REPS2: variants seen among roughly 807,000 people sequenced by gnomAD.
The protein encoded by REPS2 is ralBP1-associated Eps domain-containing protein 2.
Under a neutral mutation model 53.6 loss-of-function variants are expected in REPS2, and 23 were observed. The ratio of observed to expected loss-of-function variants is 0.43; its 90% CI spans 0.31 to 0.61. REPS2 has a LOEUF of 0.61. Ranked by LOEUF, REPS2 falls within the 20% of genes least tolerant of loss-of-function variation. The probability of loss-of-function intolerance (pLI) is 0.11; values close to 1 mark genes in which losing one functional copy is unlikely to be tolerated. For synonymous variants in REPS2, 238 were observed against 218.6 expected, an observed-to-expected ratio of 1.09 and a Z score of -0.78; for missense variants, 446 against 534.9, an observed-to-expected ratio of 0.83 and a Z score of 1.64.
chrX:16,967,885 G>A (rs1416367198), intron 1 of REPS2, among the ~76,000 whole-genome samples: 3 of 104,659 alleles, frequency 2.9e-5, no homozygotes, highest in African/African-American at 7.1e-5. Context: ...GGTGTTTCTC[G>A]CAGAGGGGGA....
intron 2 of REPS2, among the ~76,000 whole-genome samples, chrX:17,011,909 TC>T (rs1457773747): frequency 1.0e-5 from 1 of 96,895 alleles, no homozygotes; most frequent in African/African-American, 3.9e-5. Context: ...TTGCAGTGAG[TC>T]GAGATTGTGC....
intron 1 of REPS2, among the ~76,000 whole-genome samples, chrX:17,002,843 G>A (rs927637292): frequency 9.9e-5 from 11 of 111,588 alleles, no homozygotes; most frequent in Non-Finnish European, 7.5e-5. Flanking sequence ...GATCCTAACC[G>A]GTACCCTCTT....
At chrX:17,024,210 C>T (rs1213526625) in intron 3 of REPS2, among the ~76,000 whole-genome samples, 1 of 109,670 alleles carries the variant, frequency 9.1e-6, no homozygotes, top group Non-Finnish European at 1.9e-5. Flanking sequence ...TTGCTTGAGC[C>T]CAGGAAGTCA....
chrX:16,989,435 A>T (rs1395457295), intron 1 of REPS2, among the ~76,000 whole-genome samples: 1 of 111,872 alleles, frequency 8.9e-6, no homozygotes, highest in East Asian at 2.8e-4. Context: ...AGAATTGATA[A>T]ATTGGATTTC....
chrX:16,976,533 A>T (rs2060957212), intron 1 of REPS2, among the ~76,000 whole-genome samples: 2 of 111,486 alleles, frequency 1.8e-5, no homozygotes, highest in Non-Finnish European at 3.8e-5. Context: ...ATTGGAATAA[A>T]TTCTAGCAAT....
At position 17,083,055 on chromosome X, in the gene REPS2, A is replaced by G. The variant is rs1042543409; in HGVS notation, c.1516+5648A>G. 4.6e-5 allele frequency among the ~76,000 whole-genome samples: 5 copies of G among 108,389 alleles called. 1 individual carries two copies. The highest frequency in any genetic ancestry group is 3.0e-4 in the Admixed American group (3 of 10,142). 94.1% of individuals were successfully genotyped at this position (108,389 alleles called of 115,157 possible). Reference sequence around the variant, plus strand: ...CTACCACCTCCTGGAATGCAGCTGAAATGACAGAAATGTTCCGAGCACTTT... The same window carrying G: ...CTACCACCTCCTGGAATGCAGCTGAGATGACAGAAATGTTCCGAGCACTTT... On this transcript the variant is annotated intron_variant, in intron 13 of 17. Transcript: ENST00000357277.
intron 14 of REPS2, among the ~76,000 whole-genome samples, chrX:17,121,912 A>C (rs1267790578): frequency 5.4e-5 from 6 of 110,804 alleles, no homozygotes; most frequent in Non-Finnish European, 1.1e-4. Context: ...CACCACACCC[A>C]GATAATTTTT....
intron 16 of REPS2, chrX:17,137,249 G>T (rs1007270689): frequency 8.9e-6 from 1 of 111,873 alleles, no homozygotes; most frequent in East Asian, 2.8e-4. Flanking sequence ...TTATGTTCCC[G>T]TTGGCAACGT....
At chrX:17,101,361 C>T (rs1459161836) in intron 13 of REPS2, among the ~76,000 whole-genome samples, 1 of 111,099 alleles carries the variant, frequency 9.0e-6, no homozygotes, top group Non-Finnish European at 1.9e-5. Flanking sequence ...CGCGCCAGGC[C>T]TCTATGCCAA....
At chrX:17,139,982 C>T (rs1307211502) in intron 17 of REPS2, among the ~76,000 whole-genome samples, 2 of 111,706 alleles carry the variant, frequency 1.8e-5, no homozygotes, top group Non-Finnish European at 3.8e-5. Flanking sequence ...TTTGAGAGGA[C>T]ATGATTCTAC....
intron 7 of REPS2, among the ~76,000 whole-genome samples, chrX:17,053,091 T>C (rs2147932347): frequency 8.9e-6 from 1 of 111,902 alleles, no homozygotes; most frequent in Non-Finnish European, 1.9e-5. Flanking sequence ...GGGCTAGTTC[T>C]TCCCCAAAAC....
the REPS2 span, among the ~76,000 whole-genome samples, chrX:17,185,260 T>C: frequency 8.1e-5 from 9 of 111,364 alleles, no homozygotes; most frequent in Non-Finnish European, 1.7e-4. Context: ...AGTTGTAGTG[T>C]TCCAAGAGCT....
chrX:17,134,381 C>G (rs755278040), intron 15 of REPS2, among the ~76,000 whole-genome samples: 34 of 111,717 alleles, frequency 3.0e-4, no homozygotes, highest in African/African-American at 1.1e-3. Context: ...CCTCACTCAT[C>G]ATGCTCTCCA....
intron 1 of REPS2, among the ~76,000 whole-genome samples, chrX:16,964,834 T>C (rs868498004): frequency 4.6e-5 from 1 of 21,877 alleles, no homozygotes; most frequent in African/African-American, 2.2e-4. Flanking sequence ...CCGGGCAGAG[T>C]GGCTCCTCAC....
At chrX:17,070,637 T>G (rs759985153) in intron 11 of REPS2, among the ~76,000 whole-genome samples, 1 of 112,009 alleles carries the variant, frequency 8.9e-6, no homozygotes, top group East Asian at 2.8e-4. Context: ...TATTTGGAGC[T>G]CTAGTTATAA....
At chrX:17,117,034 T>C (rs1373614634) in intron 14 of REPS2, among the ~76,000 whole-genome samples, 1 of 111,675 alleles carries the variant, frequency 9.0e-6, no homozygotes, top group Admixed American at 9.5e-5. Flanking sequence ...ATACAGTACT[T>C]CCATCTGGTG....
intron 13 of REPS2, among the ~76,000 whole-genome samples, chrX:17,087,277 A>G (rs2062550213): frequency 8.9e-6 from 1 of 112,045 alleles, no homozygotes; most frequent in African/African-American, 3.2e-5. Flanking sequence ...AGGACCTACT[A>G]TGTAATCACC....
At chrX:17,032,565 A>G in intron 5 of REPS2, among the ~76,000 whole-genome samples, 1 of 111,820 alleles carries the variant, frequency 8.9e-6, no homozygotes, top group Non-Finnish European at 1.9e-5. Flanking sequence ...TCTTGGTGAT[A>G]AGGGATTAAT....
chrX:16,964,936 G>C (rs1264091818), intron 1 of REPS2, among the ~76,000 whole-genome samples: 1 of 73,136 alleles, frequency 1.4e-5, no homozygotes, highest in African/African-American at 5.5e-5. Flanking sequence ...CCTCCCTCCC[G>C]GACGGGGCGG....
Sources: gnomAD v4.1 joint callset for allele counts (sites outside exome capture counted in the v4.1 genomes callset) on GRCh38, gnomAD v4.1.1 for gene constraint, MANE v1.5 for transcripts, NCBI Gene and HGNC (gene_info 2026-07-23, HGNC 2026-07-21) for gene names.